Variants in ENKUR observed in about 807,000 individuals in gnomAD.
The protein encoded by ENKUR is enkurin.
A neutral mutation model predicts 27.6 loss-of-function variants in ENKUR; 19 were observed. That is an observed-to-expected ratio of 0.69 (90% CI 0.48 to 1.01). ENKUR has a LOEUF of 1.01. Among genes scored for constraint, ENKUR ranks in the 50% least tolerant of loss-of-function variants. ENKUR has a pLI of 0.00. For missense variants in ENKUR, 312 were observed against 310.5 expected, an observed-to-expected ratio of 1.00 and a Z score of -0.04; for synonymous variants, 117 against 96.9, an observed-to-expected ratio of 1.21 and a Z score of -1.22.
intron 1 of ENKUR, among the ~76,000 whole-genome samples, chr10:25,000,143 A>G (rs182685512): frequency 2.6e-5 from 4 of 152,298 alleles, no homozygotes; most frequent in Admixed American, 1.3e-4. Context: ...TTTTCCAGAT[A>G]TCTAATTGAT....
intron 2 of ENKUR, chr10:25,023,427 A>G (rs1388807155): frequency 1.9e-6 from 3 of 1,614,180 alleles, no homozygotes; most frequent in Non-Finnish European, 2.5e-6. Context: ...GTGCTGGGAA[A>G]ACAACAGTAG....
chr10:25,004,207 T>A (rs887022157), intron 1 of ENKUR, among the ~76,000 whole-genome samples: 11 of 152,238 alleles, frequency 7.2e-5, no homozygotes, highest in African/African-American at 2.7e-4. Context: ...TTCCATGTCT[T>A]TGCTACTGTG....
rs140728308 is a variant in ENKUR, at chr10:25,054,292, G to A, written c.37+6820C>T. Among the ~76,000 whole-genome samples, 1,430 of 152,244 alleles carry A rather than the reference G, an allele frequency of 9.4e-3. 23 individuals carry two copies. The highest frequency in any genetic ancestry group is 0.033 in the African/African-American group (1,350 of 41,536). ...AAAAAATTAGCTGGGCGTGGTGGTGGATGCCTGTAATCTCAGCTATTTAGG... is the reference window on the plus strand; with the variant it reads ...AAAAAATTAGCTGGGCGTGGTGGTGAATGCCTGTAATCTCAGCTATTTAGG... On this transcript the variant is annotated intron_variant, in intron 2 of 5. Coordinates refer to the ENKUR transcript ENST00000615958.
rs1445464730 is a variant in ENKUR at position 25,052,123 on chromosome 10, T to C, written c.37+8989A>G. On this transcript the variant is annotated intron_variant, in intron 2 of 5. Coordinates refer to the ENKUR transcript ENST00000615958. ...TGTTCCTTAGAATTCTTGGGTAGAATGTACCAACAGGAGGGACAGGCTGGG... is the reference window on the plus strand; with the variant it reads ...TGTTCCTTAGAATTCTTGGGTAGAACGTACCAACAGGAGGGACAGGCTGGG... 3.3e-5 allele frequency among the ~76,000 whole-genome samples: 5 copies of C among 152,230 alleles called. No individual in the cohort carries two copies. In the East Asian group the frequency reaches 9.6e-4, roughly 29 times the overall value.
At position 24,984,836 on chromosome 10, in the gene ENKUR, G is replaced by T; in HGVS notation, c.664C>A (p.Pro222Thr). ...QSLSVFIDSI[P>T]KKIRKQRLEE... is the part of the protein sequence containing the mutation. ...AGCCTCTGCTTGCGGATCTTCTTTGGTATAGAATCTATAAAGACCGAGAGG... is the reference window on the plus strand; with the variant it reads ...AGCCTCTGCTTGCGGATCTTCTTTGTTATAGAATCTATAAAGACCGAGAGG... Residue 222 changes from proline (P) to threonine (T), a missense_variant, in exon 5 of 6, where the codon CCA (proline) becomes ACA (threonine). By Grantham distance (38) the Pro-to-Thr change is conservative (BLOSUM62 -1). Transcript: ENST00000331161. 1 of 1,613,372 alleles carries T rather than the reference G, an allele frequency of 6.2e-7. No individual in the cohort carries two copies. Among genetic ancestry groups the T allele is most frequent in the Non-Finnish European group, 8.5e-7 (1 of 1,179,650 alleles).
intron 2 of ENKUR, chr10:25,024,084 C>T: frequency 1.2e-6 from 2 of 1,614,142 alleles, no homozygotes; most frequent in Non-Finnish European, 1.7e-6. Context: ...TAGGAGCAAC[C>T]TACGTAGAAA....
rs561564546 is a variant in ENKUR at position 25,029,425 on chromosome 10, T to C, written c.37+31687A>G. Among the ~76,000 whole-genome samples, 52 of 152,284 alleles carry C rather than the reference T, an allele frequency of 3.4e-4. 1 individual carries two copies. The South Asian group carries it at 0.01, about 30-fold the overall frequency. ...AGAGTTTAGAAGACAATAAATTGTT[T>C]TGTATGAAGTTTTAGTTAGATTTTA... On this transcript the variant is annotated intron_variant, in intron 2 of 5. Transcript: ENST00000615958.
chr10:25,061,905 A>G (rs1482998109), intron 1 of ENKUR, among the ~76,000 whole-genome samples: 2 of 152,212 alleles, frequency 1.3e-5, no homozygotes, highest in Admixed American at 6.5e-5. Flanking sequence ...TATGTAGGAT[A>G]GTTACTGGCA....
At chr10:25,038,013 G>A (rs1475790697) in intron 2 of ENKUR, among the ~76,000 whole-genome samples, 1 of 152,120 alleles carries the variant, frequency 6.6e-6, no homozygotes, top group African/African-American at 2.4e-5. Context: ...ATAAACCACT[G>A]AATTTTAAGC....
chr10:25,008,102 C>G (rs1850357775), intron 1 of ENKUR, among the ~76,000 whole-genome samples: 1 of 151,460 alleles, frequency 6.6e-6, no homozygotes, highest in South Asian at 2.1e-4. Context: ...TAGAGACTGC[C>G]TAGCCAGATG....
intron 2 of ENKUR, among the ~76,000 whole-genome samples, chr10:25,034,568 C>CT (rs796963910): frequency 6.6e-6 from 1 of 152,128 alleles, no homozygotes; most frequent in African/African-American, 2.4e-5. Context: ...TCGATATTAC[C>CT]TTTTTTCTGG....
chr10:25,022,950 T>C (rs1263784430), intron 2 of ENKUR, among the ~76,000 whole-genome samples: 1 of 152,330 alleles, frequency 6.6e-6, no homozygotes, highest in South Asian at 2.1e-4. Context: ...AGTTTTGATT[T>C]TTCAGTGTCT....
At chr10:25,025,278 T>A in intron 2 of ENKUR, 1 of 1,614,142 alleles carries the variant, frequency 6.2e-7, no homozygotes. Context: ...AAGAAATCAA[T>A]GAGACTTCAT....
intron 3 of ENKUR, among the ~76,000 whole-genome samples, chr10:24,991,684 C>T (rs1180032335): frequency 6.6e-6 from 1 of 152,156 alleles, no homozygotes; most frequent in Non-Finnish European, 1.5e-5. Context: ...TCAATAAAAC[C>T]TTGCACTCAT....
At chr10:25,025,596 G>A in intron 2 of ENKUR, 1 of 818,390 alleles carries the variant, frequency 1.2e-6, no homozygotes, top group South Asian at 1.9e-5. Flanking sequence ...TGATCTCTAG[G>A]GCTGACATGA....
intron 2 of ENKUR, among the ~76,000 whole-genome samples, chr10:25,031,934 A>T (rs1564353372): frequency 6.6e-6 from 1 of 151,920 alleles, no homozygotes; most frequent in Non-Finnish European, 1.5e-5. Context: ...TCAGCCTCCC[A>T]AAGTATTGGG....
chr10:25,023,394 T>C, intron 2 of ENKUR: 1 of 1,614,126 alleles, frequency 6.2e-7, no homozygotes, highest in Non-Finnish European at 8.5e-7. Context: ...GAGACAAAAA[T>C]ATTATCCTGA....
intron 1 of ENKUR, among the ~76,000 whole-genome samples, chr10:25,003,244 T>C (rs1333903788): frequency 6.6e-6 from 1 of 152,106 alleles, no homozygotes; most frequent in African/African-American, 2.4e-5. Flanking sequence ...TGCAGTGGTG[T>C]TGCCCAGGCT....
At chr10:25,047,314 C>T (rs1162811479) in intron 2 of ENKUR, among the ~76,000 whole-genome samples, 1 of 152,158 alleles carries the variant, frequency 6.6e-6, no homozygotes, top group African/African-American at 2.4e-5. Context: ...TTCTAGGTCA[C>T]TCAGTATTTG....
Sources: gnomAD v4.1 joint callset for allele counts (sites outside exome capture counted in the v4.1 genomes callset) on GRCh38, gnomAD v4.1.1 for gene constraint, MANE v1.5 for transcripts, NCBI Gene and HGNC (gene_info 2026-07-23, HGNC 2026-07-21) for gene names.